DTNBP1: variants seen among roughly 807,000 people sequenced by gnomAD.
The protein encoded by DTNBP1 is dysbindin.
In DTNBP1, 35 loss-of-function variants were observed where a neutral mutation model predicts 42.8. The ratio of observed to expected loss-of-function variants is 0.82; its 90% CI spans 0.63 to 1.09. The LOEUF (loss-of-function observed/expected upper bound fraction) is 1.09. Among genes scored for constraint, DTNBP1 ranks in the 50% least tolerant of loss-of-function variants. DTNBP1 has a pLI of 0.00. For synonymous variants in DTNBP1, 171 were observed against 162.2 expected (o/e 1.05, Z -0.41); for missense variants, 457 against 424.2 (o/e 1.08, Z -0.68).
chr6:15,602,383 G>T (rs1037970578), intron 6 of DTNBP1, among the ~76,000 whole-genome samples: 1 of 152,182 alleles, frequency 6.6e-6, no homozygotes, highest in Non-Finnish European at 1.5e-5. Flanking sequence ...ATGGCAGGCT[G>T]CCAGGTGTGC....
chr6:15,627,314 G>C, intron 5 of DTNBP1, 29 bp downstream of exon 5: 1 of 1,609,584 alleles, frequency 6.2e-7, no homozygotes, highest in Non-Finnish European at 8.5e-7. Context: ...ATTCCTAAAA[G>C]TAATGTACAA....
chr6:15,596,656 TTCGC>T (rs1462007454), intron 6 of DTNBP1, among the ~76,000 whole-genome samples: 1 of 152,192 alleles, frequency 6.6e-6, no homozygotes, highest in Non-Finnish European at 1.5e-5. Flanking sequence ...TCAGCTTACA[TTCGC>T]TCATAAGCCA....
chr6:15,571,801 A>G (rs1232097373), intron 7 of DTNBP1, among the ~76,000 whole-genome samples: 3 of 152,222 alleles, frequency 2.0e-5, no homozygotes, highest in African/African-American at 7.2e-5. Flanking sequence ...CTTAGCAGGT[A>G]CAGAATAAAC....
At chr6:15,613,157 A>T (rs1758510200) in intron 6 of DTNBP1, among the ~76,000 whole-genome samples, 1 of 151,828 alleles carries the variant, frequency 6.6e-6, no homozygotes, top group South Asian at 2.1e-4. Context: ...AAAATAAAAA[A>T]AATTTGCTGG....
intron 6 of DTNBP1, among the ~76,000 whole-genome samples, chr6:15,597,264 A>G (rs967065793): frequency 6.6e-6 from 1 of 152,228 alleles, no homozygotes; most frequent in Non-Finnish European, 1.5e-5. Flanking sequence ...AATAAAGAAG[A>G]GAGGACAACT....
chr6:15,585,681 A>T lies in DTNBP1; in HGVS notation c.511+7378T>A, dbSNP rs928036144. ...CATGGAAATAAACATTTCAAAGGAA[A>T]GCAGCAAAGGAAAAACAGAAAATAA... is the stretch of plus-strand genomic sequence containing the variant. On this transcript the variant is annotated intron_variant, in intron 7 of 9. Coordinates refer to ENST00000344537, the MANE Select transcript of DTNBP1 (RefSeq NM_032122.5). 1.1e-5 allele frequency: 17 copies of T among 1,531,994 alleles called. No individual in the cohort carries two copies. In the Admixed American group the frequency reaches 3.1e-4, roughly 28 times the overall value. The allele number at this position is 1,531,994 out of a possible 1,614,324, so 94.9% of individuals were successfully genotyped here.
At chr6:15,599,565 A>T (rs1216675043) in intron 6 of DTNBP1, among the ~76,000 whole-genome samples, 10 of 152,168 alleles carry the variant, frequency 6.6e-5, no homozygotes, top group Non-Finnish European at 1.0e-4. Context: ...ACCCCAAAAC[A>T]TCCAGGCAAC....
chr6:15,568,253 T>A (rs1561964318), intron 7 of DTNBP1, among the ~76,000 whole-genome samples: 1 of 152,220 alleles, frequency 6.6e-6, no homozygotes, highest in Non-Finnish European at 1.5e-5. Context: ...CAACTCCCAT[T>A]TATTACTGAG....
At chr6:15,537,961 G>C (rs578069704) in intron 7 of DTNBP1, among the ~76,000 whole-genome samples, 9 of 152,266 alleles carry the variant, frequency 5.9e-5, no homozygotes, top group African/African-American at 2.2e-4. Flanking sequence ...TTTTGACCTG[G>C]TACATGGGTA....
At chr6:15,636,888 T>C (rs1760061975) in intron 4 of DTNBP1, among the ~76,000 whole-genome samples, 1 of 152,224 alleles carries the variant, frequency 6.6e-6, no homozygotes, top group African/African-American at 2.4e-5. Flanking sequence ...TTTTGTGGGC[T>C]TAATGTATCT....
intron 7 of DTNBP1, among the ~76,000 whole-genome samples, chr6:15,540,924 G>A (rs1262809535): frequency 2.0e-5 from 3 of 152,202 alleles, no homozygotes; most frequent in African/African-American, 4.8e-5. Flanking sequence ...TTACAGGTGT[G>A]AGCCAATGTG....
At chr6:15,583,753 G>T (rs1287067496) in intron 7 of DTNBP1, among the ~76,000 whole-genome samples, 1 of 152,108 alleles carries the variant, frequency 6.6e-6, no homozygotes, top group Non-Finnish European at 1.5e-5. Context: ...ACAACAAAAC[G>T]TTGTCCTGAT....
intron 7 of DTNBP1, among the ~76,000 whole-genome samples, chr6:15,591,977 G>GT (rs1436949157): frequency 6.6e-6 from 1 of 152,168 alleles, no homozygotes; most frequent in East Asian, 1.9e-4. Flanking sequence ...ACAACACATT[G>GT]TATCACATGA....
rs146129731 is a variant in DTNBP1 at position 15,604,774 on chromosome 6, A to T, written c.488+10493T>A. ...AAACAAAACAAAAAAACACAAACAA[A>T]AAGAAGGGCAGAGTCCCTTGGCATT... On this transcript the variant is annotated intron_variant, in intron 6 of 9. Coordinates refer to ENST00000344537, the MANE Select transcript of DTNBP1 (RefSeq NM_032122.5). Among the ~76,000 whole-genome samples, 311 of 152,356 alleles carry T rather than the reference A, an allele frequency of 2.0e-3. 1 individual carries two copies. Among genetic ancestry groups the T allele is most frequent in the Non-Finnish European group, 3.7e-3 (252 of 68,042 alleles).
At chr6:15,622,389 C>T (rs1404625734) in intron 5 of DTNBP1, among the ~76,000 whole-genome samples, 1 of 151,960 alleles carries the variant, frequency 6.6e-6, no homozygotes, top group African/African-American at 2.4e-5. Context: ...AAGGTTCATC[C>T]CCTTATATTA....
rs544631072 is a variant in DTNBP1, at chr6:15,555,509, C to T, written c.512-22114G>A. 6.6e-5 allele frequency among the ~76,000 whole-genome samples: 10 copies of T among 152,262 alleles called. No homozygotes were observed. The South Asian group carries it at 1.7e-3, about 25-fold the overall frequency. ...TAGTAAAGAAGCCTGCCAAAACCCA[C>T]CAAATCCAAGATGGGGATGAAAGTG... On this transcript the variant is annotated intron_variant, in intron 7 of 9. Transcript: ENST00000344537.
In DTNBP1 at chr6:15,610,778, G is replaced by A. The variant is rs563045715; in HGVS notation, c.488+4489C>T. On this transcript the variant is annotated intron_variant, in intron 6 of 9. Transcript: ENST00000344537. ...TAAGTTAAAACCTAATCCAGAGCAA[G>A]GTTCCAACTCTCTTCAGTTCTATGA... Among the ~76,000 whole-genome samples, 30 of 152,340 alleles carry A rather than the reference G, an allele frequency of 2.0e-4. No individual in the cohort carries two copies. The South Asian group carries it at 6.2e-3, about 32-fold the overall frequency.
chr6:15,604,735 C>T (rs901967834), intron 6 of DTNBP1, among the ~76,000 whole-genome samples: 3 of 150,788 alleles, frequency 2.0e-5, no homozygotes, highest in African/African-American at 7.4e-5. Context: ...GTCCATAGTC[C>T]AAATGTTACC....
In DTNBP1 at chr6:15,524,249, G is replaced by A. The variant is rs742106; in HGVS notation, c.811+277C>T. 591,511 of 1,583,464 alleles carry A rather than the reference G, an allele frequency of 0.37. 114,268 individuals are homozygous for A. Among genetic ancestry groups the A allele is most frequent in the East Asian group, 0.56 (24,324 of 43,388 alleles). On this transcript the variant is annotated intron_variant, in intron 9 of 9. Transcript: ENST00000344537. ...GGAGCAGACTCAAATGGATTTCTGGGTGGTAAAGGAGGGAAAACAAACAAG... is the reference window on the plus strand; with the variant it reads ...GGAGCAGACTCAAATGGATTTCTGGATGGTAAAGGAGGGAAAACAAACAAG...
Sources: gnomAD v4.1 joint callset for allele counts (sites outside exome capture counted in the v4.1 genomes callset) on GRCh38, gnomAD v4.1.1 for gene constraint, MANE v1.5 for transcripts, NCBI Gene and HGNC (gene_info 2026-07-23, HGNC 2026-07-21) for gene names.